MACROD2: variants seen among roughly 807,000 people sequenced by gnomAD.
MACROD2 encodes the protein ADP-ribose glycohydrolase MACROD2.
Under a neutral mutation model 70.4 loss-of-function variants are expected in MACROD2, and 36 were observed. The observed-to-expected ratio is 0.51, with a 90% CI of 0.39 to 0.68. MACROD2 has a LOEUF of 0.68. Among genes scored for constraint, MACROD2 ranks in the 30% least tolerant of loss-of-function variants. The probability of loss-of-function intolerance (pLI) is 0.00; values close to 1 mark genes in which losing one functional copy is unlikely to be tolerated. For synonymous variants in MACROD2, 172 were observed against 178.8 expected (o/e 0.96, Z 0.30); for missense variants, 496 against 538.4 (o/e 0.92, Z 0.78).
intron 3 of MACROD2, among the ~76,000 whole-genome samples, chr20:14,332,698 AAC>A (rs949112963): frequency 3.9e-5 from 6 of 152,150 alleles, no homozygotes; most frequent in Admixed American, 2.6e-4. Context: ...TGGCATGTAG[AAC>A]TTTTAATCCA....
intron 8 of MACROD2, among the ~76,000 whole-genome samples, chr20:15,706,215 C>T (rs1204634101): frequency 6.6e-6 from 1 of 152,178 alleles, no homozygotes; most frequent in Non-Finnish European, 1.5e-5. Context: ...TTGCTAGAAC[C>T]CACATACAGT....
intron 3 of MACROD2, among the ~76,000 whole-genome samples, chr20:14,151,242 A>G (rs1412101909): frequency 2.4e-5 from 3 of 124,196 alleles, no homozygotes; most frequent in South Asian, 6.2e-4. Flanking sequence ...AGATATTTCA[A>G]TGATGTTCTG....
At chr20:14,797,341 CA>C (rs2072521884) in intron 5 of MACROD2, among the ~76,000 whole-genome samples, 1 of 151,982 alleles carries the variant, frequency 6.6e-6, no homozygotes, top group Non-Finnish European at 1.5e-5. Flanking sequence ...GGATCATGAC[CA>C]AAATTCTTAA....
chr20:15,040,102 T>C (rs975424979), intron 5 of MACROD2, among the ~76,000 whole-genome samples: 4 of 152,170 alleles, frequency 2.6e-5, no homozygotes, highest in South Asian at 2.1e-4. Flanking sequence ...GGTGATCTCA[T>C]AGCTTTGAAG....
chr20:15,233,008 G>T (rs181856033), intron 6 of MACROD2, among the ~76,000 whole-genome samples: 1 of 151,826 alleles, frequency 6.6e-6, no homozygotes, highest in Non-Finnish European at 1.5e-5. Flanking sequence ...AGGATCTAGT[G>T]GTTGTTTTCT....
intron 8 of MACROD2, among the ~76,000 whole-genome samples, chr20:15,600,846 T>C: frequency 6.6e-6 from 1 of 152,180 alleles, no homozygotes; most frequent in East Asian, 1.9e-4. Context: ...AATATATATA[T>C]TATTGCTAGA....
chr20:14,552,725 T>C (rs372556717), intron 4 of MACROD2, among the ~76,000 whole-genome samples: 1 of 152,224 alleles, frequency 6.6e-6, no homozygotes, highest in African/African-American at 2.4e-5. Flanking sequence ...CTGTAGGCAA[T>C]TGTAACAAAA....
At chr20:15,860,584 A>G (rs1318145244) in intron 8 of MACROD2, among the ~76,000 whole-genome samples, 1 of 151,370 alleles carries the variant, frequency 6.6e-6, no homozygotes, top group Non-Finnish European at 1.5e-5. Flanking sequence ...TTTGATTATG[A>G]AGTGTTTCAA....
chr20:15,755,094 G>A (rs2051329006), intron 8 of MACROD2, among the ~76,000 whole-genome samples: 1 of 152,102 alleles, frequency 6.6e-6, no homozygotes, highest in South Asian at 2.1e-4. Context: ...CCTAACCTCA[G>A]GTGATCCACC....
chr20:15,855,602 CTG>C (rs2064348032), intron 8 of MACROD2, among the ~76,000 whole-genome samples: 1 of 152,158 alleles, frequency 6.6e-6, no homozygotes, highest in South Asian at 2.1e-4. Flanking sequence ...TTTTCACAAA[CTG>C]AACACATCCA....
chr20:14,716,613 G>C (rs2071399675), intron 5 of MACROD2, among the ~76,000 whole-genome samples: 1 of 152,054 alleles, frequency 6.6e-6, no homozygotes, highest in African/African-American at 2.4e-5. Context: ...CAATGTTAGC[G>C]ATTCAGTTTC....
chr20:14,964,590 A>T (rs1044979342), intron 5 of MACROD2, among the ~76,000 whole-genome samples: 7 of 143,838 alleles, frequency 4.9e-5, no homozygotes, highest in African/African-American at 1.4e-4. Flanking sequence ...TAAAAAAAAT[A>T]AAAAAAAAAT....
intron 7 of MACROD2, among the ~76,000 whole-genome samples, chr20:15,449,959 C>T (rs2046618619): frequency 6.6e-6 from 1 of 152,206 alleles, no homozygotes; most frequent in Non-Finnish European, 1.5e-5. Flanking sequence ...TGCGCCACTG[C>T]ACTCCAACCT....
intron 5 of MACROD2, among the ~76,000 whole-genome samples, chr20:14,983,532 G>A (rs975733253): frequency 4.6e-5 from 7 of 152,092 alleles, no homozygotes; most frequent in South Asian, 2.1e-4. Context: ...TGCTGTTCTC[G>A]TGATAGGGAA....
chr20:14,681,773 T>A (rs2070935486), intron 4 of MACROD2, among the ~76,000 whole-genome samples: 1 of 152,184 alleles, frequency 6.6e-6, no homozygotes, highest in Non-Finnish European at 1.5e-5. Flanking sequence ...GATGGGAATT[T>A]AAAAGTAATG....
intron 4 of MACROD2, among the ~76,000 whole-genome samples, chr20:14,673,159 C>T (rs896499596): frequency 6.6e-6 from 1 of 152,176 alleles, no homozygotes; most frequent in African/African-American, 2.4e-5. Flanking sequence ...AGGGTGGGGA[C>T]TCTTCCTTTT....
In MACROD2 at chr20:14,990,513, T is replaced by C. The variant is rs373586327; in HGVS notation, c.419-239427T>C. On this transcript the variant is annotated intron_variant, in intron 5 of 17. Transcript: ENST00000684519. ...CTCTGTTTCCTTTTTTTTTTTCTTT[T>C]TCTTTTTTTTTTTTTTTTGAGATGG... Among the ~76,000 whole-genome samples, 300 of 150,012 alleles carry C rather than the reference T, an allele frequency of 2.0e-3. 3 individuals are homozygous for C. The highest frequency in any genetic ancestry group is 6.6e-3 in the African/African-American group (267 of 40,614).
intron 5 of MACROD2, among the ~76,000 whole-genome samples, chr20:14,712,810 A>G (rs2071353515): frequency 6.6e-6 from 1 of 152,132 alleles, no homozygotes; most frequent in African/African-American, 2.4e-5. Flanking sequence ...AGGAGGATTA[A>G]TGGCTCAGAG....
At chr20:14,129,208 G>A (rs939279432) in intron 3 of MACROD2, among the ~76,000 whole-genome samples, 1 of 152,192 alleles carries the variant, frequency 6.6e-6, no homozygotes, top group Non-Finnish European at 1.5e-5. Flanking sequence ...ATTCATGGAA[G>A]GAGGTCACAA....
Sources: gnomAD v4.1 joint callset for allele counts (sites outside exome capture counted in the v4.1 genomes callset) on GRCh38, gnomAD v4.1.1 for gene constraint, MANE v1.5 for transcripts, NCBI Gene and HGNC (gene_info 2026-07-23, HGNC 2026-07-21) for gene names.